The following CACNA2D1 variants were observed in gnomAD, a reference collection of about 807,000 sequenced individuals.
CACNA2D1 encodes voltage-dependent calcium channel subunit alpha-2/delta-1.
In CACNA2D1, 53 loss-of-function variants were observed where a neutral mutation model predicts 171.5. The ratio of observed to expected loss-of-function variants is 0.31; its 90% confidence interval spans 0.25 to 0.39. The LOEUF (loss-of-function observed/expected upper bound fraction) is 0.39, where lower values mean the gene tolerates loss of function less well. Ranked by LOEUF, CACNA2D1 falls within the 10% of genes least tolerant of loss-of-function variation. The pLI is 1.00. For synonymous variants in CACNA2D1, 442 were observed against 443.1 expected (o/e 1.00, Z 0.03); for missense variants, 903 against 1,299.8 (o/e 0.69, Z 4.69).
intron 6 of CACNA2D1, among the ~76,000 whole-genome samples, chr7:82,097,980 G>T (rs1390630882): frequency 1.3e-5 from 2 of 151,980 alleles, no homozygotes; most frequent in Non-Finnish European, 2.9e-5. Context: ...CGGGCATGGT[G>T]GCATGCATCT....
At chr7:82,033,042 C>G (rs370473695) in intron 11 of CACNA2D1, 141 bp from the exon 12 acceptor site, 3 of 624,046 alleles carry the variant, frequency 4.8e-6, no homozygotes, top group African/African-American at 3.6e-5. Context: ...AGAACTGGTT[C>G]CTGGATCAGT....
intron 4 of CACNA2D1, among the ~76,000 whole-genome samples, chr7:82,150,284 A>AAC (rs1554432526): frequency 2.3e-4 from 31 of 137,482 alleles, no homozygotes; most frequent in Non-Finnish European, 4.0e-4. Context: ...AACAACAACA[A>AAC]AAAAAAACAC....
chr7:82,171,436 A>G (rs1193780902), intron 3 of CACNA2D1, among the ~76,000 whole-genome samples: 1 of 152,040 alleles, frequency 6.6e-6, no homozygotes, highest in Non-Finnish European at 1.5e-5. Flanking sequence ...AGGAACACAG[A>G]GTTGGGGACC....
At chr7:82,050,941 A>C in intron 10 of CACNA2D1, 1 of 310,652 alleles carries the variant, frequency 3.2e-6, no homozygotes, top group East Asian at 7.5e-5. Flanking sequence ...AGTTATTCCT[A>C]TGCAATTCTA....
intron 3 of CACNA2D1, among the ~76,000 whole-genome samples, chr7:82,179,475 C>G (rs144929593): frequency 8.5e-5 from 13 of 152,238 alleles, no homozygotes; most frequent in Non-Finnish European, 1.8e-4. Context: ...AATATCTCTT[C>G]AGCTTGAGAA....
intron 4 of CACNA2D1, among the ~76,000 whole-genome samples, chr7:82,167,447 A>G (rs1795571963): frequency 6.6e-6 from 1 of 152,040 alleles, no homozygotes. Flanking sequence ...TAGGAACAAA[A>G]AAAAAGCTGA....
At chr7:82,255,764 C>CT (rs1806224087) in intron 3 of CACNA2D1, among the ~76,000 whole-genome samples, 2 of 152,224 alleles carry the variant, frequency 1.3e-5, no homozygotes, top group South Asian at 4.1e-4. Flanking sequence ...TGATTGCTCA[C>CT]TGGCAATCTT....
intron 1 of CACNA2D1, among the ~76,000 whole-genome samples, chr7:82,355,993 T>C (rs1820377558): frequency 6.6e-6 from 1 of 152,052 alleles, no homozygotes; most frequent in Non-Finnish European, 1.5e-5. Flanking sequence ...CTTCTCGTTG[T>C]TGGAAAATCA....
chr7:82,192,426 A>G (rs936886723), intron 3 of CACNA2D1, among the ~76,000 whole-genome samples: 1 of 149,242 alleles, frequency 6.7e-6, no homozygotes, highest in African/African-American at 2.5e-5. Flanking sequence ...ATATATGTCT[A>G]TATGTCTGTG....
intron 10 of CACNA2D1, among the ~76,000 whole-genome samples, chr7:82,041,439 G>A (rs965594767): frequency 9.9e-5 from 15 of 152,104 alleles, no homozygotes; most frequent in African/African-American, 3.6e-4. Flanking sequence ...TACTGTCTGT[G>A]GCATTTGTCT....
intron 1 of CACNA2D1, among the ~76,000 whole-genome samples, chr7:82,418,078 G>A (rs1171413659): frequency 6.6e-6 from 1 of 152,100 alleles, no homozygotes; most frequent in East Asian, 1.9e-4. Context: ...AGTTCCACAG[G>A]GCCAGGAGGC....
At chr7:82,213,797 A>C (rs1170118301) in intron 3 of CACNA2D1, among the ~76,000 whole-genome samples, 1 of 151,978 alleles carries the variant, frequency 6.6e-6, no homozygotes, top group African/African-American at 2.4e-5. Flanking sequence ...GCCTCAAAAT[A>C]TCCTACACTG....
intron 12 of CACNA2D1, among the ~76,000 whole-genome samples, chr7:82,018,435 T>C (rs892232308): frequency 4.6e-5 from 7 of 152,190 alleles, no homozygotes; most frequent in African/African-American, 1.7e-4. Flanking sequence ...AACTGGGCTA[T>C]TAGTGTCTTG....
chr7:82,020,859 C>G (rs1037781535), intron 12 of CACNA2D1: 9 of 152,038 alleles, frequency 5.9e-5, no homozygotes, highest in Admixed American at 2.6e-4. Context: ...AGAATTTAAT[C>G]GATGTCTGTT....
At chr7:82,096,162 G>A (rs1265700199) in intron 6 of CACNA2D1, among the ~76,000 whole-genome samples, 1 of 152,136 alleles carries the variant, frequency 6.6e-6, no homozygotes, top group Non-Finnish European at 1.5e-5. Flanking sequence ...AAAGAACCAG[G>A]CGGTAAATGT....
At chr7:81,992,511 G>T (rs907004521) in intron 20 of CACNA2D1, among the ~76,000 whole-genome samples, 1 of 151,980 alleles carries the variant, frequency 6.6e-6, no homozygotes. Context: ...ATTCTTAAAA[G>T]AATTAGAAGA....
intron 7 of CACNA2D1, among the ~76,000 whole-genome samples, chr7:82,075,788 G>C (rs558134773): frequency 5.1e-4 from 77 of 152,166 alleles, no homozygotes; most frequent in African/African-American, 1.8e-3. Flanking sequence ...TCATAATCAA[G>C]TATACTGAAC....
intron 3 of CACNA2D1, among the ~76,000 whole-genome samples, chr7:82,229,464 G>A (rs1244732155): frequency 1.3e-5 from 2 of 152,012 alleles, no homozygotes; most frequent in Non-Finnish European, 2.9e-5. Flanking sequence ...GTCAGAGCTC[G>A]ATCACAGACT....
At chr7:82,332,565 A>G (rs181434723) in intron 3 of CACNA2D1, among the ~76,000 whole-genome samples, 1 of 109,256 alleles carries the variant, frequency 9.2e-6, no homozygotes, top group Non-Finnish European at 2.2e-5. Context: ...AAAGAAAGAA[A>G]GAACGAACAG....
Sources: allele counts gnomAD v4.1 joint callset (sites outside exome capture counted in the v4.1 genomes callset), GRCh38; gene constraint gnomAD v4.1.1; transcripts MANE v1.5; gene names NCBI Gene and HGNC (gene_info 2026-07-23, HGNC 2026-07-21).